Variants in CPNE8 observed in about 807,000 individuals in gnomAD.
The protein encoded by CPNE8 is copine 8.
CPNE8 carries 45 observed loss-of-function variants against 81.5 expected under a neutral mutation model. That is an observed-to-expected ratio of 0.55 (90% confidence interval 0.44 to 0.71). The LOEUF (loss-of-function observed/expected upper bound fraction) is 0.71, where lower values mean the gene tolerates loss of function less well. Ranked by LOEUF, CPNE8 falls within the 30% of genes least tolerant of loss-of-function variation. CPNE8 has a pLI of 0.00. For synonymous variants in CPNE8, 252 were observed against 226.3 expected (o/e 1.11, Z -1.02); for missense variants, 594 against 672.1 (o/e 0.88, Z 1.28).
At chr12:38,810,264 CTT>C (rs1942907001) in intron 6 of CPNE8, among the ~76,000 whole-genome samples, 1 of 152,198 alleles carries the variant, frequency 6.6e-6, no homozygotes, top group African/African-American at 2.4e-5. Context: ...CTCCACAGAT[CTT>C]TCTTAGATAA....
At chr12:38,761,467 G>T (rs1941568762) in intron 9 of CPNE8, among the ~76,000 whole-genome samples, 1 of 152,164 alleles carries the variant, frequency 6.6e-6, no homozygotes, top group Admixed American at 6.5e-5. Flanking sequence ...TAAATGAAAA[G>T]AATGATAGTC....
At chr12:38,758,074 T>C (rs573077703) in intron 10 of CPNE8, among the ~76,000 whole-genome samples, 182 of 152,252 alleles carry the variant, frequency 1.2e-3, no homozygotes, top group African/African-American at 4.2e-3. Flanking sequence ...AAATCTGATG[T>C]CTCAAAAGTA....
At chr12:38,694,922 G>C (rs1179041837) in intron 14 of CPNE8, among the ~76,000 whole-genome samples, 1 of 152,048 alleles carries the variant, frequency 6.6e-6, no homozygotes, top group Non-Finnish European at 1.5e-5. Context: ...ATCTCCCCTT[G>C]GGTTATTTGA....
chr12:38,895,379 T>C (rs1944375711), intron 1 of CPNE8, among the ~76,000 whole-genome samples: 1 of 152,100 alleles, frequency 6.6e-6, no homozygotes, highest in Non-Finnish European at 1.5e-5. Context: ...CTGGTAAATT[T>C]GAATGTCACA....
intron 11 of CPNE8, among the ~76,000 whole-genome samples, chr12:38,728,033 A>C (rs1324840010): frequency 6.6e-6 from 1 of 152,242 alleles, no homozygotes; most frequent in Non-Finnish European, 1.5e-5. Flanking sequence ...ACAAAGAATA[A>C]CAATTTTATA....
chr12:38,766,620 TATTATGCAACATTTGATACTTATTA>T (rs577077110), intron 8 of CPNE8, among the ~76,000 whole-genome samples: 65 of 152,288 alleles, frequency 4.3e-4, no homozygotes, highest in African/African-American at 1.3e-3. Flanking sequence ...AAACTGTCTA[TATTATGCAACATTTGATACTTATTA>T]TATAACAACA....
chr12:38,732,592 T>C (rs916748221), intron 10 of CPNE8, among the ~76,000 whole-genome samples: 1 of 151,938 alleles, frequency 6.6e-6, no homozygotes, highest in Non-Finnish European at 1.5e-5. Context: ...CTTTTTATCA[T>C]GAAAGGGAGA....
At chr12:38,691,363 A>C (rs1223469702) in intron 15 of CPNE8, among the ~76,000 whole-genome samples, 2 of 152,156 alleles carry the variant, frequency 1.3e-5, no homozygotes, top group Non-Finnish European at 2.9e-5. Flanking sequence ...TCAGCATGAA[A>C]TATTTACCAC....
intron 6 of CPNE8, among the ~76,000 whole-genome samples, chr12:38,803,753 G>T (rs1356184686): frequency 2.1e-5 from 3 of 142,588 alleles, no homozygotes; most frequent in Admixed American, 7.2e-5. Context: ...TGTTTATCTA[G>T]AAAACCCCAA....
At chr12:38,687,157 A>G (rs1939550800) in intron 15 of CPNE8, among the ~76,000 whole-genome samples, 1 of 152,182 alleles carries the variant, frequency 6.6e-6, no homozygotes, top group Admixed American at 6.5e-5. Flanking sequence ...CAAGTTTTAT[A>G]CTAAAATATT....
At chr12:38,757,855 T>A (rs1941492190) in intron 10 of CPNE8, among the ~76,000 whole-genome samples, 1 of 151,690 alleles carries the variant, frequency 6.6e-6, no homozygotes, top group South Asian at 2.1e-4. Context: ...ACCAAACAAT[T>A]TTCCCCTCCT....
At chr12:38,880,524 A>C (rs1944137084) in intron 1 of CPNE8, among the ~76,000 whole-genome samples, 1 of 152,190 alleles carries the variant, frequency 6.6e-6, no homozygotes, top group Non-Finnish European at 1.5e-5. Context: ...AAAATCCCTG[A>C]GAGTGACAGC....
At position 38,894,911 on chromosome 12, in the gene CPNE8, A is replaced by T. The variant is rs372562179; in HGVS notation, c.98+10526T>A. ...ATAGGAGATGGATGCAATAAGAAGG[A>T]TCTGCAGACAGTGAGAAACAATTAC... is the stretch of plus-strand genomic sequence containing the variant. On this transcript the variant is annotated intron_variant, in intron 1 of 19. Coordinates refer to ENST00000331366, the MANE Select transcript of CPNE8 (RefSeq NM_153634.3). Among the ~76,000 whole-genome samples, 4 of 152,088 alleles carry T rather than the reference A, an allele frequency of 2.6e-5. No homozygotes were observed. The East Asian group carries it at 5.8e-4, about 22-fold the overall frequency.
chr12:38,689,880 G>A (rs1156719516), intron 15 of CPNE8, among the ~76,000 whole-genome samples: 11 of 152,172 alleles, frequency 7.2e-5, no homozygotes, highest in Non-Finnish European at 1.3e-4. Context: ...ATAATGAGAG[G>A]AGAGCAATGA....
At chr12:38,808,834 A>T (rs1227683417) in intron 6 of CPNE8, among the ~76,000 whole-genome samples, 1 of 152,054 alleles carries the variant, frequency 6.6e-6, no homozygotes, top group African/African-American at 2.4e-5. Context: ...ACCACCTCAC[A>T]GGAAAAAATG....
chr12:38,691,945 A>C (rs535444047), intron 15 of CPNE8, among the ~76,000 whole-genome samples: 2 of 152,278 alleles, frequency 1.3e-5, no homozygotes, highest in Non-Finnish European at 2.9e-5. Context: ...TCTGGAGAGG[A>C]CAGACTGAAA....
chr12:38,823,085 A>G (rs1245559789), intron 6 of CPNE8, among the ~76,000 whole-genome samples: 2 of 152,108 alleles, frequency 1.3e-5, no homozygotes, highest in South Asian at 2.1e-4. Flanking sequence ...CAGACATTTG[A>G]TCTCTAAGTG....
At chr12:38,883,575 G>A (rs75368720) in intron 1 of CPNE8, among the ~76,000 whole-genome samples, 7,465 of 152,206 alleles carry the variant, frequency 0.049, 597 homozygotes, top group African/African-American at 0.17. Flanking sequence ...GGTATCAACT[G>A]TTCATCATTC....
chr12:38,733,352 C>A (rs1940880780), intron 10 of CPNE8, among the ~76,000 whole-genome samples: 1 of 151,586 alleles, frequency 6.6e-6, no homozygotes, highest in Non-Finnish European at 1.5e-5. Context: ...ACACTATTAC[C>A]AACTATTCCT....
Sources: allele counts gnomAD v4.1 joint callset (sites outside exome capture counted in the v4.1 genomes callset), GRCh38; gene constraint gnomAD v4.1.1; transcripts MANE v1.5; gene names NCBI Gene and HGNC (gene_info 2026-07-23, HGNC 2026-07-21).